The following COL19A1 variants were observed in gnomAD, a reference collection of about 807,000 sequenced individuals.
The protein encoded by COL19A1 is collagen type XIX alpha 1 chain.
COL19A1 carries 159 observed loss-of-function variants against 190.2 expected under a neutral mutation model. The observed-to-expected ratio is 0.84, with a 90% CI of 0.73 to 0.95. The LOEUF (loss-of-function observed/expected upper bound fraction) is 0.95, where lower values mean the gene tolerates loss of function less well. Among genes scored for constraint, COL19A1 ranks in the 40% least tolerant of loss-of-function variants. COL19A1 has a pLI of 0.00. For synonymous variants in COL19A1, 509 were observed against 458.9 expected (o/e 1.11, Z -1.39); for missense variants, 1,418 against 1,431.9 (o/e 0.99, Z 0.16).
intron 48 of COL19A1, among the ~76,000 whole-genome samples, chr6:70,198,988 T>C (rs1767381847): frequency 6.6e-6 from 1 of 152,220 alleles, no homozygotes; most frequent in Admixed American, 6.5e-5. Flanking sequence ...ACAGGACTTC[T>C]TGGGTGACCT....
chr6:69,936,922 T>G lies in COL19A1; in HGVS notation c.873+12T>G. ...GCATTCCAAACAAGGTATGCTAGTT[T>G]TAATTGGTGCACACTGAAAGCCACT... On this transcript the variant is annotated intron_variant, in intron 8 of 50. Transcript: ENST00000620364. 6.2e-7 allele frequency: 1 copy of G among 1,612,144 alleles called. No individual in the cohort carries two copies. The highest frequency in any genetic ancestry group is 8.5e-7 in the Non-Finnish European group (1 of 1,178,696).
intron 4 of COL19A1, among the ~76,000 whole-genome samples, chr6:69,923,584 C>T (rs895016182): frequency 3.3e-5 from 5 of 152,042 alleles, no homozygotes; most frequent in African/African-American, 1.2e-4. Context: ...GGAGTTATAA[C>T]TGGAATAAAC....
At chr6:69,965,567 A>G (rs1178501298) in intron 11 of COL19A1, among the ~76,000 whole-genome samples, 3 of 152,224 alleles carry the variant, frequency 2.0e-5, no homozygotes, top group African/African-American at 7.2e-5. Flanking sequence ...TTTAAAGTAT[A>G]TTTCTGAATC....
chr6:70,114,301 C>G (rs1784443070), intron 16 of COL19A1, among the ~76,000 whole-genome samples: 1 of 152,172 alleles, frequency 6.6e-6, no homozygotes, highest in Admixed American at 6.5e-5. Flanking sequence ...ATTTTATTTT[C>G]CCATCATCCT....
intron 19 of COL19A1, among the ~76,000 whole-genome samples, chr6:70,140,030 A>C (rs185477316): frequency 6.6e-6 from 1 of 152,104 alleles, no homozygotes; most frequent in Admixed American, 6.6e-5. Context: ...ATAAGCAAAA[A>C]CAAGCAGGGA....
chr6:70,199,642 G>C lies in COL19A1; in HGVS notation c.3129G>C (p.Leu1043=). ...CTGTATTCCTATCCCAGCTCAAGCT[G>C]CCAGCAGCAATGTTGGCTGCCCAAG... ...RMAVFLSQLK[L]PAAMLAAQAY... Residue 1043 remains leucine, a synonymous_variant, in exon 49 of 51, where the codon CTG becomes CTC. Transcript: ENST00000620364. 6.2e-7 allele frequency: 1 copy of C among 1,605,868 alleles called. No individual in the cohort carries two copies. Among genetic ancestry groups the C allele is most frequent in the Non-Finnish European group, 8.5e-7 (1 of 1,175,108 alleles).
In COL19A1 at chr6:70,114,664, T is replaced by A. The variant is rs868642333; in HGVS notation, c.1279-7216T>A. 8.5e-5 allele frequency among the ~76,000 whole-genome samples: 13 copies of A among 152,322 alleles called. No homozygotes were observed. The South Asian group carries it at 2.1e-3, about 24-fold the overall frequency. The stretch of plus-strand genomic sequence containing the variant: ...CATTTCCAAAGCAAAAGGGTTGATA[T>A]TTTTTCTCTTTTATTATCACCTGCA... On this transcript the variant is annotated intron_variant, in intron 16 of 50. Coordinates refer to ENST00000620364, the MANE Select transcript of COL19A1 (RefSeq NM_001858.6).
chr6:70,120,533 C>G (rs1193125327), intron 16 of COL19A1, among the ~76,000 whole-genome samples: 1 of 152,140 alleles, frequency 6.6e-6, no homozygotes, highest in African/African-American at 2.4e-5. Flanking sequence ...TCTAACTGAC[C>G]TAGAATTCTT....
intron 4 of COL19A1, among the ~76,000 whole-genome samples, chr6:69,912,455 G>A (rs1289848826): frequency 1.3e-5 from 2 of 152,168 alleles, no homozygotes; most frequent in East Asian, 1.9e-4. Flanking sequence ...ATGTTCAAAA[G>A]CAGATATGCT....
At chr6:70,202,352 T>C (rs928971730) in intron 49 of COL19A1, among the ~76,000 whole-genome samples, 2 of 152,232 alleles carry the variant, frequency 1.3e-5, no homozygotes, top group Non-Finnish European at 2.9e-5. Context: ...ATAGAGCTTG[T>C]GGATGGTAAC....
chr6:70,099,090 A>T (rs1783470663), intron 15 of COL19A1, among the ~76,000 whole-genome samples: 1 of 151,490 alleles, frequency 6.6e-6, no homozygotes. Context: ...AAAATTGAGA[A>T]AAAAAGAGAT....
At position 70,181,940 on chromosome 6, in the gene COL19A1, G is replaced by A. The variant is rs1392295251; in HGVS notation, c.2775+1417G>A. ...GAAGGAAGAGTTGGAAAGATACGGA[G>A]GGAGATGTAGGCAGTGGCCAGACCA... On this transcript the variant is annotated intron_variant, in intron 44 of 50. Coordinates refer to ENST00000620364, the MANE Select transcript of COL19A1 (RefSeq NM_001858.6). Among the ~76,000 whole-genome samples the A allele has an allele frequency of 3.3e-5, 5 of 152,284 alleles. No individual in the cohort carries two copies. In the East Asian group the frequency reaches 9.7e-4, roughly 29 times the overall value.
chr6:70,159,910 G>A (rs966711064), intron 34 of COL19A1, among the ~76,000 whole-genome samples: 9 of 152,124 alleles, frequency 5.9e-5, no homozygotes, highest in Non-Finnish European at 1.0e-4. Flanking sequence ...AGAACTTGAT[G>A]TATCACATGG....
At chr6:70,102,040 T>G in intron 15 of COL19A1, 129 bp from the exon 16 acceptor site, 1 of 796,136 alleles carries the variant, frequency 1.3e-6, no homozygotes, top group South Asian at 1.7e-5. Flanking sequence ...TTAAAAGTCA[T>G]GTGGAATTGG....
chr6:69,914,291 G>A (rs1023697389), intron 4 of COL19A1, among the ~76,000 whole-genome samples: 1 of 152,166 alleles, frequency 6.6e-6, no homozygotes, highest in Non-Finnish European at 1.5e-5. Context: ...CAGCCTGGGA[G>A]GAAGGCATTT....
chr6:70,067,079 C>T lies in COL19A1; in HGVS notation c.1171-1344C>T, dbSNP rs536413775. 3.7e-4 allele frequency among the ~76,000 whole-genome samples: 57 copies of T among 152,264 alleles called. 1 individual carries two copies. In the South Asian group the frequency reaches 0.011, roughly 30 times the overall value. On this transcript the variant is annotated intron_variant, in intron 14 of 50. Transcript: ENST00000620364. Reference sequence around the variant, plus strand: ...TAACAAATCATTACATGAATAATCACTTAAATGAATTAGTGGTAAGTACTT... The same window carrying T: ...TAACAAATCATTACATGAATAATCATTTAAATGAATTAGTGGTAAGTACTT...
chr6:69,977,198 T>C (rs1423545968), intron 11 of COL19A1, among the ~76,000 whole-genome samples: 1 of 151,930 alleles, frequency 6.6e-6, no homozygotes, highest in African/African-American at 2.4e-5. Context: ...ATTAAGAAAA[T>C]GTAGCGCATA....
At chr6:69,907,200 G>T (rs1164032339) in intron 4 of COL19A1, among the ~76,000 whole-genome samples, 1 of 150,562 alleles carries the variant, frequency 6.6e-6, no homozygotes, top group African/African-American at 2.4e-5. Flanking sequence ...CACCATCTCG[G>T]CTCACTGCAA....
chr6:69,925,487 A>G (rs1772308204), intron 4 of COL19A1, among the ~76,000 whole-genome samples: 1 of 152,138 alleles, frequency 6.6e-6, no homozygotes, highest in South Asian at 2.1e-4. Flanking sequence ...TGGTTACTGT[A>G]GCCTTGTAGT....
Sources: gnomAD v4.1 joint callset for allele counts (sites outside exome capture counted in the v4.1 genomes callset) on GRCh38, gnomAD v4.1.1 for gene constraint, MANE v1.5 for transcripts, NCBI Gene and HGNC (gene_info 2026-07-23, HGNC 2026-07-21) for gene names.